XRN1: variants seen among roughly 807,000 people sequenced by gnomAD.
XRN1 encodes 5'-3' exoribonuclease 1.
Under a neutral mutation model 222.3 loss-of-function variants are expected in XRN1, and 67 were observed. That is an observed-to-expected ratio of 0.30 (90% confidence interval 0.25 to 0.37). The LOEUF (loss-of-function observed/expected upper bound fraction) is 0.37, where lower values mean the gene tolerates loss of function less well. XRN1 is among the 10% of genes least tolerant of loss of function. XRN1 has a pLI of 1.00. For missense variants in XRN1, 1,707 were observed against 2,000.2 expected, an observed-to-expected ratio of 0.85 and a Z score of 2.80; for synonymous variants, 643 against 652.4, an observed-to-expected ratio of 0.99 and a Z score of 0.22.
At chr3:142,368,637 T>A (rs1298978489) in intron 27 of XRN1, among the ~76,000 whole-genome samples, 1 of 152,210 alleles carries the variant, frequency 6.6e-6, no homozygotes, top group African/African-American at 2.4e-5. Context: ...TCAAAAATGA[T>A]GCTGAACAAA....
chr3:142,331,302 G>A (rs972230419), intron 36 of XRN1, among the ~76,000 whole-genome samples: 4 of 152,064 alleles, frequency 2.6e-5, no homozygotes, highest in South Asian at 2.1e-4. Flanking sequence ...CAAATATGGC[G>A]GATATTTACT....
chr3:142,333,113 A>G (rs1442032040), intron 34 of XRN1, 24 bp from the exon 35 acceptor site: 4 of 1,607,538 alleles, frequency 2.5e-6, no homozygotes, highest in South Asian at 2.2e-5. Flanking sequence ...TATTTTGGGC[A>G]TGAAGATGAA....
In XRN1 at chr3:142,328,703, TTATATATATATATATATATA is replaced by T. The variant is rs67278209; in HGVS notation, c.4404+711_4404+730del. ...TAAACATATAGGTTTACTTGTAATA[TTATATATATATATATATATA>T]TATATATATATATATATATATATAT... On this transcript the variant is annotated intron_variant, in intron 37 of 40. Coordinates refer to ENST00000392981, the MANE Select transcript of XRN1 (RefSeq NM_001282857.2). Among the ~76,000 whole-genome samples the T allele has an allele frequency of 5.3e-3, 251 of 47,136 alleles. 7 individuals carry two copies. Among genetic ancestry groups the T allele is most frequent in the Non-Finnish European group, 7.5e-3 (147 of 19,658 alleles). The allele number at this position is 47,136 out of a possible 152,430, so 30.9% of individuals were successfully genotyped here.
intron 2 of XRN1, among the ~76,000 whole-genome samples, chr3:142,431,878 T>TATATATA (rs2069566438): frequency 1.8e-5 from 1 of 55,624 alleles, no homozygotes; most frequent in Non-Finnish European, 2.9e-5. Context: ...TATTATATTA[T>TATATATA]ATATATTATA....
intron 39 of XRN1, among the ~76,000 whole-genome samples, chr3:142,318,310 T>A (rs1247280868): frequency 1.3e-5 from 2 of 151,412 alleles, no homozygotes; most frequent in Non-Finnish European, 3.0e-5. Flanking sequence ...ATTACATGAT[T>A]TTTTTTTTAC....
chr3:142,444,337 G>A (rs2070397072), intron 1 of XRN1, among the ~76,000 whole-genome samples: 1 of 152,208 alleles, frequency 6.6e-6, no homozygotes, highest in Admixed American at 6.5e-5. Flanking sequence ...GCCAGGCACG[G>A]TGGCTCATGC....
At chr3:142,396,920 G>A (rs117106138) in intron 20 of XRN1, among the ~76,000 whole-genome samples, 1 of 152,064 alleles carries the variant, frequency 6.6e-6, no homozygotes, top group Non-Finnish European at 1.5e-5. Flanking sequence ...AATATGGCTT[G>A]GGTGGAAGAG....
chr3:142,355,499 A>G lies in XRN1; in HGVS notation c.3673-3T>C, dbSNP rs1274305975. 1.3e-6 allele frequency: 2 copies of G among 1,555,206 alleles called. No homozygotes were observed. Among genetic ancestry groups the G allele is most frequent in the East Asian group, 2.3e-5 (1 of 44,106 alleles). ...TCATCATCATCTTTAGTAGGTACCT[A>G]GCAAAGTACAAACAATTTCTTGAGA... On this transcript the variant is annotated splice_polypyrimidine_tract_variant and splice_region_variant and intron_variant, in intron 31 of 40. Transcript: ENST00000392981.
At chr3:142,430,189 G>C (rs1411558946) in intron 2 of XRN1, among the ~76,000 whole-genome samples, 5 of 152,120 alleles carry the variant, frequency 3.3e-5, no homozygotes, top group Admixed American at 2.0e-4. Flanking sequence ...TGCTGTTTGG[G>C]AAGTTATCCC....
At chr3:142,433,585 G>T (rs1452573013) in intron 1 of XRN1, among the ~76,000 whole-genome samples, 1 of 151,978 alleles carries the variant, frequency 6.6e-6, no homozygotes, top group African/African-American at 2.4e-5. Context: ...GTCCCACCAG[G>T]AACAAAAATT....
chr3:142,357,512 G>C (rs553145473), intron 30 of XRN1, among the ~76,000 whole-genome samples: 3 of 151,790 alleles, frequency 2.0e-5, no homozygotes, highest in South Asian at 4.2e-4. Context: ...CTGCAGTTTC[G>C]AACTCCTGGG....
intron 20 of XRN1, among the ~76,000 whole-genome samples, chr3:142,387,494 T>C (rs2067550034): frequency 1.3e-5 from 2 of 152,186 alleles, no homozygotes; most frequent in Non-Finnish European, 2.9e-5. Flanking sequence ...TTTTGCTCCA[T>C]ATGTATACAG....
At position 142,376,464 on chromosome 3, in the gene XRN1, C is replaced by T; in HGVS notation, c.2831+15G>A. On this transcript the variant is annotated intron_variant, in intron 24 of 40. Transcript: ENST00000392981. Reference sequence around the variant, plus strand: ...TTTCTGCCACTTTAAGTAAATTTCTCTAACATAAACTTACTTTCTCCTAGA... The same window carrying T: ...TTTCTGCCACTTTAAGTAAATTTCTTTAACATAAACTTACTTTCTCCTAGA... 1.3e-6 allele frequency: 2 copies of T among 1,572,566 alleles called. No individual in the cohort carries two copies. The highest frequency in any genetic ancestry group is 1.1e-5 in the South Asian group (1 of 88,602).
chr3:142,397,946 T>A (rs898471131), intron 19 of XRN1, among the ~76,000 whole-genome samples: 2 of 152,146 alleles, frequency 1.3e-5, no homozygotes, highest in African/African-American at 4.8e-5. Flanking sequence ...TTATTATGTA[T>A]CAAAAAAATT....
chr3:142,321,361 T>C (rs1310911842), intron 37 of XRN1, among the ~76,000 whole-genome samples: 1 of 152,160 alleles, frequency 6.6e-6, no homozygotes, highest in African/African-American at 2.4e-5. Flanking sequence ...CCTCAAGCGA[T>C]CCGCCTGCCT....
chr3:142,418,615 GA>G lies in XRN1; in HGVS notation c.1241-7del. 6.3e-7 allele frequency: 1 copy of G among 1,580,734 alleles called. No homozygotes were observed. On this transcript the variant is annotated splice_region_variant and splice_polypyrimidine_tract_variant and intron_variant, in intron 11 of 40. Transcript: ENST00000392981. ...AGTCTCATCTTCTAAATTATCTGGG[GA>G]AAAAAGTCAGAAAGATAGTGACTGA...
intron 24 of XRN1, 182 bp from the exon 25 acceptor site, chr3:142,376,126 C>T: frequency 8.7e-7 from 1 of 1,152,706 alleles, no homozygotes; most frequent in Non-Finnish European, 1.1e-6. Context: ...AATTGAAAAA[C>T]TAGAAGAAAA....
chr3:142,330,905 C>T (rs1296120705), intron 36 of XRN1, among the ~76,000 whole-genome samples: 1 of 152,134 alleles, frequency 6.6e-6, no homozygotes, highest in Non-Finnish European at 1.5e-5. Flanking sequence ...CTCCCGGGTT[C>T]AAGCGATTCT....
chr3:142,435,660 A>G (rs1217666146), intron 1 of XRN1, among the ~76,000 whole-genome samples: 1 of 150,676 alleles, frequency 6.6e-6, no homozygotes, highest in African/African-American at 2.4e-5. Flanking sequence ...AGAAGGCTGA[A>G]GCATGAGAAT....
Sources: gnomAD v4.1 joint callset for allele counts (sites outside exome capture counted in the v4.1 genomes callset) on GRCh38, gnomAD v4.1.1 for gene constraint, MANE v1.5 for transcripts, NCBI Gene and HGNC (gene_info 2026-07-23, HGNC 2026-07-21) for gene names.